CASZ1: variants seen among roughly 807,000 people sequenced by gnomAD.
CASZ1 encodes castor zinc finger 1, also known as zinc finger protein castor homolog 1.
In CASZ1, 28 loss-of-function variants were observed where a neutral mutation model predicts 135.2. That is an observed-to-expected ratio of 0.21 (90% CI 0.15 to 0.28). The LOEUF is 0.28. Ranked by LOEUF, CASZ1 falls within the 10% of genes least tolerant of loss-of-function variation. The pLI, the probability that CASZ1 is intolerant of heterozygous loss-of-function variation, is 1.00. For synonymous variants in CASZ1, 1,068 were observed against 1,073.4 expected, an observed-to-expected ratio of 0.99 and a Z score of 0.10; for missense variants, 2,161 against 2,453.3, an observed-to-expected ratio of 0.88 and a Z score of 2.52.
intron 1 of CASZ1, among the ~76,000 whole-genome samples, chr1:10,791,700 T>A (rs963230830): frequency 6.6e-6 from 1 of 151,894 alleles, no homozygotes; most frequent in Admixed American, 6.6e-5. Flanking sequence ...TCTACTCATG[T>A]TCTTATGTCA....
rs1173893661 is a variant in CASZ1, at chr1:10,739,421, G to A, written c.-77+21280C>T. Among the ~76,000 whole-genome samples, 4 of 152,098 alleles carry A rather than the reference G, an allele frequency of 2.6e-5. No homozygotes were observed. The highest frequency in any genetic ancestry group is 4.4e-5 in the Non-Finnish European group (3 of 67,992). On this transcript the variant is annotated intron_variant, in intron 2 of 20. Coordinates refer to ENST00000377022, the MANE Select transcript of CASZ1 (RefSeq NM_001079843.3). The surrounding 1 kb of genome is among the most constrained non-coding windows in gnomAD (Gnocchi z 4.8). Reference sequence around the variant, plus strand: ...GACCACATGCGCAGGGAAGGGCATGGGGCACAGCATGTGTGTGGCCCACAC... The same window carrying A: ...GACCACATGCGCAGGGAAGGGCATGAGGCACAGCATGTGTGTGGCCCACAC...
intron 3 of CASZ1, chr1:10,704,700 G>A (rs1639135038): frequency 6.6e-6 from 1 of 152,370 alleles, no homozygotes; most frequent in African/African-American, 2.4e-5. Context: ...GCCCCGCCAA[G>A]CGGGGATGAT....
chr1:10,714,347 A>G (rs1003565588), intron 2 of CASZ1, among the ~76,000 whole-genome samples: 5 of 152,158 alleles, frequency 3.3e-5, no homozygotes, highest in Non-Finnish European at 4.4e-5. Context: ...AAAGGAAAGA[A>G]AGGAAAGAAA....
chr1:10,651,196 C>T lies in CASZ1; in HGVS notation c.2681-120G>A, dbSNP rs1204501810. ...TGGGTGGGCCCCGGCTACTGGTCAG[C>T]GCTTCTCCCGCTGACGTGATCGCTC... On this transcript the variant is annotated intron_variant, in intron 11 of 20. Coordinates refer to ENST00000377022, the MANE Select transcript of CASZ1 (RefSeq NM_001079843.3). The T allele has an allele frequency of 4.2e-5, 30 of 709,672 alleles. 1 individual carries two copies. In the Admixed American group the frequency reaches 1.0e-3, roughly 24 times the overall value. 44.0% of individuals were successfully genotyped at this position (709,672 alleles called of 1,614,324 possible). A position where few individuals can be genotyped will look rare whatever the true frequency, so the allele number is the denominator to read the frequency against.
At chr1:10,690,675 G>C (rs1304632655) in intron 4 of CASZ1, among the ~76,000 whole-genome samples, 1 of 152,114 alleles carries the variant, frequency 6.6e-6, no homozygotes, top group African/African-American at 2.4e-5. Context: ...TCCCTCACCG[G>C]CACCCCCTGC....
intron 2 of CASZ1, among the ~76,000 whole-genome samples, chr1:10,740,785 C>T (rs533673904): frequency 6.6e-6 from 1 of 151,822 alleles, no homozygotes; most frequent in East Asian, 1.9e-4. Flanking sequence ...CCTGTGTCTC[C>T]ACAAAAAAAA....
In CASZ1 at chr1:10,694,461, A is replaced by AGCGG. The variant is rs1408740189; in HGVS notation, c.-23-553_-23-550dup. ...TCAGGGTAACAGTTTGGCAGGAGGG[A>AGCGG]GCGGGCGGGCGGGCGCGGCCGGGGG... On this transcript the variant is annotated intron_variant, in intron 3 of 20. Transcript: ENST00000377022. The surrounding 1 kb of genome is among the most constrained non-coding windows in gnomAD (Gnocchi z 6.6). The AGCGG allele has an allele frequency of 9.4e-5, 20 of 213,618 alleles. No homozygotes were observed. Among genetic ancestry groups the AGCGG allele is most frequent in the Middle Eastern group, 8.7e-4 (1 of 1,152 alleles). The allele number at this position is 213,618 out of a possible 1,614,324, so 13.2% of individuals were successfully genotyped here.
intron 2 of CASZ1, among the ~76,000 whole-genome samples, chr1:10,758,906 A>C (rs2100571681): frequency 6.6e-6 from 1 of 152,250 alleles, no homozygotes; most frequent in South Asian, 2.1e-4. Flanking sequence ...GGAGTTCCCA[A>C]GCTTCATTAT....
chr1:10,733,708 A>AAGATGAGCT, intron 2 of CASZ1, among the ~76,000 whole-genome samples: 1 of 152,234 alleles, frequency 6.6e-6, no homozygotes, highest in Non-Finnish European at 1.5e-5. Flanking sequence ...TAAGACCTGG[A>AAGATGAGCT]AGATGAGCTC....
At chr1:10,642,011 T>C (rs1296299417) in intron 20 of CASZ1, 3 of 151,096 alleles carry the variant, frequency 2.0e-5, no homozygotes, top group African/African-American at 4.9e-5. Context: ...TGAGAAGGCA[T>C]GTGCGCGTTA....
At position 10,637,916 on chromosome 1, in the gene CASZ1, T is replaced by C. The variant is rs1237930444; in HGVS notation, c.*1026A>G. On this transcript the variant is annotated 3_prime_UTR_variant, in exon 21 of 21. Transcript: ENST00000377022. ...ACTTGGATCAACAGTAATAGTCCTTTTTTCTTGTCTCTACAAAATTCAAGT... is the reference window on the plus strand; with the variant it reads ...ACTTGGATCAACAGTAATAGTCCTTCTTTCTTGTCTCTACAAAATTCAAGT... The C allele has an allele frequency of 1.3e-5, 2 of 152,410 alleles. No homozygotes were observed. Among genetic ancestry groups the C allele is most frequent in the Admixed American group, 1.3e-4 (2 of 15,284 alleles). 9.4% of individuals were successfully genotyped at this position (152,410 alleles called of 1,614,324 possible).
intron 2 of CASZ1, among the ~76,000 whole-genome samples, chr1:10,712,236 C>T (rs756797905): frequency 7.9e-5 from 12 of 152,028 alleles, no homozygotes; most frequent in Non-Finnish European, 1.8e-4. Flanking sequence ...ATCCCAGCTA[C>T]TCGGGAGGCT....
chr1:10,689,278 G>A (rs1044716649), intron 4 of CASZ1, among the ~76,000 whole-genome samples: 3 of 152,232 alleles, frequency 2.0e-5, no homozygotes, highest in Non-Finnish European at 1.5e-5. Flanking sequence ...AGCGGGCACG[G>A]CCTTGAGCCA....
chr1:10,642,644 C>G (rs1315816968), intron 20 of CASZ1, among the ~76,000 whole-genome samples: 2 of 152,184 alleles, frequency 1.3e-5, no homozygotes, highest in Admixed American at 1.3e-4. Context: ...GGGTCCTCTC[C>G]CGGAAACTGA....
In CASZ1 at chr1:10,699,814, C is replaced by T. The variant is rs1006137097; in HGVS notation, c.-24+5678G>A. Among the ~76,000 whole-genome samples, 5 of 151,952 alleles carry T rather than the reference C, an allele frequency of 3.3e-5. No homozygotes were observed. Among genetic ancestry groups the T allele is most frequent in the Non-Finnish European group, 5.9e-5 (4 of 68,004 alleles). ...TGTAGGTTTCTCTTATCAGAAGCAG[C>T]GACGGTTTCACATTAATTTCCCAGT... On this transcript the variant is annotated intron_variant, in intron 3 of 20. Coordinates refer to ENST00000377022, the MANE Select transcript of CASZ1 (RefSeq NM_001079843.3). The surrounding 1 kb of genome is among the most constrained non-coding windows in gnomAD (Gnocchi z 4.6).
chr1:10,658,320 G>A (rs77639220), intron 7 of CASZ1, 188 bp downstream of exon 7: 15,113 of 603,492 alleles, frequency 0.025, 277 homozygotes, highest in East Asian at 0.062. Context: ...TACACAGAGC[G>A]GAGGGAGGCT....
chr1:10,654,525 T>C lies in CASZ1; in HGVS notation c.1732A>G (p.Asn578Asp). Reference protein sequence around the residue: ...VMTHENFHKKNTQLINDGFQR... With the variant: ...VMTHENFHKKDTQLINDGFQR... ...AAGCCGTCGTTAATGAGCTGGGTATTCTTCTTGTGGAAGTTCTCGTGGGTC... is the reference window on the plus strand; with the variant it reads ...AAGCCGTCGTTAATGAGCTGGGTATCCTTCTTGTGGAAGTTCTCGTGGGTC... The change falls in exon 10 of 21, where the codon AAT becomes GAT. Residue 578 changes from asparagine to aspartate, a missense_variant. Asn to Asp is a conservative substitution (Grantham distance 23, BLOSUM62 1). This residue lies in a region of CASZ1 where 248 missense variants were observed against 410.8 expected (regional missense o/e 0.60). Transcript: ENST00000377022. 6.2e-7 allele frequency: 1 copy of C among 1,614,248 alleles called. No individual in the cohort carries two copies. The highest frequency in any genetic ancestry group is 8.5e-7 in the Non-Finnish European group (1 of 1,180,054).
In CASZ1 at chr1:10,647,880, G is replaced by A. The variant is rs747774932; in HGVS notation, c.3418C>T (p.Pro1140Ser). The A allele has an allele frequency of 1.9e-6, 3 of 1,613,796 alleles. No homozygotes were observed. In the Admixed American group the frequency reaches 5.0e-5, roughly 27 times the overall value. The change falls in exon 16 of 21, where the codon CCC (proline) becomes TCC (serine). Residue 1140 changes from proline to serine, a missense_variant. By Grantham distance (74) the Pro-to-Ser change is moderately conservative. Transcript: ENST00000377022. The surrounding 1 kb of genome is among the most constrained non-coding windows in gnomAD (Gnocchi z 4.9). Reference sequence around the variant, plus strand: ...GAAGTCGTTGCCAAGGGCGAGGCGGGCAGGTGAGGCACTGACGCTGGGATC... The same window carrying A: ...GAAGTCGTTGCCAAGGGCGAGGCGGACAGGTGAGGCACTGACGCTGGGATC... ...PQIPASVPHLPASPLATTSLE... is the reference protein window; with the variant it reads ...PQIPASVPHLSASPLATTSLE...
intron 4 of CASZ1, among the ~76,000 whole-genome samples, chr1:10,687,259 G>A (rs1288698736): frequency 6.6e-6 from 1 of 152,218 alleles, no homozygotes; most frequent in Non-Finnish European, 1.5e-5. Context: ...CTGGTCTCTG[G>A]AAACACAACA....
Sources: gnomAD v4.1 joint callset for allele counts (sites outside exome capture counted in the v4.1 genomes callset) on GRCh38, gnomAD v4.1.1 for gene constraint, gnomAD v4.1.1 regional missense constraint, Gnocchi (gnomAD v3.1) non-coding constraint, MANE v1.5 for transcripts, NCBI Gene and HGNC (gene_info 2026-07-23, HGNC 2026-07-21) for gene names.